Variants in ZNF732 observed in about 807,000 individuals in gnomAD.
The protein encoded by ZNF732 is zinc finger protein LOC654254.
A neutral mutation model predicts 11.5 loss-of-function variants in ZNF732; 12 were observed. The observed-to-expected ratio is 1.05, with a 90% CI of 0.67 to 1.70. ZNF732 has a LOEUF of 1.70. Among genes scored for constraint, ZNF732 ranks in the 40% most tolerant of loss-of-function variants. ZNF732 has a pLI of 0.00. For missense variants in ZNF732, 702 were observed against 676.9 expected (o/e 1.04, Z -0.41); for synonymous variants, 231 against 236.5 (o/e 0.98, Z 0.21).
chr4:303,252 A>G lies in ZNF732; in HGVS notation c.3+2056T>C, dbSNP rs1289738848. Among the ~76,000 whole-genome samples the G allele has an allele frequency of 2.6e-5, 4 of 152,144 alleles. 1 individual carries two copies. The highest frequency in any genetic ancestry group is 4.4e-5 in the Non-Finnish European group (3 of 68,022). On this transcript the variant is annotated intron_variant, in intron 1 of 3. Coordinates refer to ENST00000419098, the MANE Select transcript of ZNF732 (RefSeq NM_001137608.3). Reference sequence around the variant, plus strand: ...AGACCCCCCCTCCCCTTTCTAAACCAAAGTATAAAAGAAAATCTAGCCCCT... The same window carrying G: ...AGACCCCCCCTCCCCTTTCTAAACCGAAGTATAAAAGAAAATCTAGCCCCT...
At chr4:292,323 C>T (rs535375835) in intron 3 of ZNF732, among the ~76,000 whole-genome samples, 41 of 151,920 alleles carry the variant, frequency 2.7e-4, no homozygotes, top group Admixed American at 1.4e-3. Flanking sequence ...TTTGGGAGGC[C>T]GAGGCGGGCA....
Position 271,150 on chromosome 4 carries a change from C to T in ZNF732, c.1707G>A (p.Trp569Ter), listed in dbSNP as rs1466470692. The T allele has an allele frequency of 1.9e-6, 3 of 1,543,532 alleles. No homozygotes were observed. Among genetic ancestry groups the T allele is most frequent in the South Asian group, 2.4e-5 (2 of 83,156 alleles). Residue 569 changes from tryptophan to a stop codon, truncating the protein, a stop_gained, in exon 4 of 4, where the codon TGG (tryptophan) becomes TGA (stop). Coordinates refer to ENST00000419098, the MANE Select transcript of ZNF732 (RefSeq NM_001137608.3). LOFTEE classifies it low-confidence loss of function (END_TRUNC). The part of the protein sequence containing the change: ...KCKGCGKAFK[W>*]SSYLNQHNKI... ...TATTATGTTGATTAAGGTATGAGGA[C>T]CACTTAAAGGCTTTGCCACATCCTT...
intron 1 of ZNF732, among the ~76,000 whole-genome samples, chr4:297,607 TAAAAAAAAAA>T (rs57681246): frequency 9.9e-6 from 1 of 101,016 alleles, no homozygotes; most frequent in African/African-American, 3.7e-5. Flanking sequence ...TTAAGATTTG[TAAAAAAAAAA>T]AAAAAAAAAA....
chr4:303,931 G>C (rs1553843958), intron 1 of ZNF732, among the ~76,000 whole-genome samples: 1 of 152,184 alleles, frequency 6.6e-6, no homozygotes, highest in Non-Finnish European at 1.5e-5. Flanking sequence ...AGACTAGTTT[G>C]TGCTACAAGT....
rs1553837746 is a variant in ZNF732 at position 272,054 on chromosome 4, T to C, written c.803A>G (p.His268Arg). ...AFNRSSTLTKHKRIHAEEKPF... is the reference protein window; with the variant it reads ...AFNRSSTLTKRKRIHAEEKPF... ...TTTCTCTTCAGCATGAATTCTCTTA[T>C]GCTTAGTAAGGGTTGAGGACCTATT... is the stretch of plus-strand genomic sequence containing the variant. The change falls in exon 4 of 4, where the codon CAT becomes CGT. Residue 268 changes from histidine (H) to arginine (R), a missense_variant. This residue lies in a region of ZNF732 where 596 missense variants were observed against 557.9 expected (regional missense o/e 1.07). Transcript: ENST00000419098. The C allele has an allele frequency of 2.5e-6, 4 of 1,611,544 alleles. No individual in the cohort carries two copies. Among genetic ancestry groups the C allele is most frequent in the Non-Finnish European group, 8.5e-7 (1 of 1,178,680 alleles).
chr4:300,901 A>G (rs1426284994), intron 1 of ZNF732, among the ~76,000 whole-genome samples: 1 of 152,226 alleles, frequency 6.6e-6, no homozygotes, highest in Non-Finnish European at 1.5e-5. Context: ...GCTTCTGCAC[A>G]GCAAAAGAAA....
intron 1 of ZNF732, among the ~76,000 whole-genome samples, chr4:299,376 T>C (rs1376692629): frequency 1.6e-5 from 1 of 63,602 alleles, no homozygotes; most frequent in African/African-American, 4.5e-5. Flanking sequence ...TATGTGTATA[T>C]ATATATACAC....
chr4:304,537 C>T (rs1720185819), intron 1 of ZNF732, among the ~76,000 whole-genome samples: 1 of 151,042 alleles, frequency 6.6e-6, no homozygotes, highest in Non-Finnish European at 1.5e-5. Context: ...CAGCGAAGAC[C>T]CCACAAGCTC....
At chr4:301,209 C>T (rs1271362262) in intron 1 of ZNF732, among the ~76,000 whole-genome samples, 2 of 152,120 alleles carry the variant, frequency 1.3e-5, no homozygotes, top group African/African-American at 4.8e-5. Context: ...ATTAAAAAGT[C>T]AGGAAACGAC....
intron 3 of ZNF732, among the ~76,000 whole-genome samples, chr4:291,067 G>C (rs1242967380): frequency 6.6e-6 from 1 of 152,030 alleles, no homozygotes; most frequent in African/African-American, 2.4e-5. Context: ...AGAACAATTA[G>C]GCAAGGAAAA....
chr4:301,916 T>C (rs1425381846), intron 1 of ZNF732, among the ~76,000 whole-genome samples: 1 of 152,210 alleles, frequency 6.6e-6, no homozygotes. Context: ...TCAGGTTTAA[T>C]CAATGCACAT....
intron 1 of ZNF732, among the ~76,000 whole-genome samples, chr4:296,996 G>T (rs1256539942): frequency 1.3e-5 from 2 of 152,156 alleles, no homozygotes; most frequent in Non-Finnish European, 2.9e-5. Flanking sequence ...TGGTCCAGGG[G>T]TGGTGGCTCA....
intron 1 of ZNF732, among the ~76,000 whole-genome samples, chr4:299,454 CATATGTGTATAT>C (rs1560165256): frequency 2.2e-4 from 12 of 55,380 alleles, no homozygotes; most frequent in South Asian, 1.1e-3. Flanking sequence ...TATATATACA[CATATGTGTATAT>C]ATATATACAC....
In ZNF732 at chr4:273,445, AAAC is replaced by A. The variant is rs541363588; in HGVS notation, c.227-818_227-816del. Among the ~76,000 whole-genome samples, 85 of 152,134 alleles carry A rather than the reference AAAC, an allele frequency of 5.6e-4. 1 individual carries two copies. In the South Asian group the frequency reaches 0.016, roughly 29 times the overall value. ...ATTAAACAATTTAAAATTTTTCAGA[AAAC>A]AACCATAAAAACAAAGATGTACAAA... On this transcript the variant is annotated intron_variant, in intron 3 of 3. Transcript: ENST00000419098.
At chr4:294,796 A>G (rs1553841910) in intron 3 of ZNF732, among the ~76,000 whole-genome samples, 2 of 152,248 alleles carry the variant, frequency 1.3e-5, no homozygotes, top group African/African-American at 4.8e-5. Context: ...GCTTTAAACT[A>G]TATTATAATT....
At position 272,107 on chromosome 4, in the gene ZNF732, G is replaced by A. The variant is rs782433466; in HGVS notation, c.750C>T (p.Tyr250=). The part of the protein sequence containing the change: ...KHKVHTGEKS[Y]KYEECGKAFN... Reference sequence around the variant, plus strand: ...AGGCTTTGCCACATTCTTCATATTTGTAAGATTTCTCTCCAGTATGAACTT... The same window carrying A: ...AGGCTTTGCCACATTCTTCATATTTATAAGATTTCTCTCCAGTATGAACTT... Residue 250 remains tyrosine (Y), a synonymous_variant, in exon 4 of 4, where the codon TAC becomes TAT. Transcript: ENST00000419098. 1.2e-6 allele frequency: 2 copies of A among 1,612,226 alleles called. No individual in the cohort carries two copies. The highest frequency in any genetic ancestry group is 1.7e-6 in the Non-Finnish European group (2 of 1,179,088).
chr4:292,298 T>A (rs1719854510), intron 3 of ZNF732, among the ~76,000 whole-genome samples: 2 of 151,950 alleles, frequency 1.3e-5, no homozygotes, highest in South Asian at 4.1e-4. Flanking sequence ...TGCAAGCAAT[T>A]TATCTGATAA....
At chr4:279,207 G>A (rs1396979273) in intron 3 of ZNF732, among the ~76,000 whole-genome samples, 1 of 151,856 alleles carries the variant, frequency 6.6e-6, no homozygotes, top group Non-Finnish European at 1.5e-5. Flanking sequence ...GGGAGGCCGA[G>A]GCGGGCAGAT....
At chr4:277,563 A>T (rs965248253) in intron 3 of ZNF732, among the ~76,000 whole-genome samples, 1 of 152,030 alleles carries the variant, frequency 6.6e-6, no homozygotes, top group Non-Finnish European at 1.5e-5. Context: ...ACCACAATAT[A>T]AGACTTGACT....
Sources: gnomAD v4.1 joint callset for allele counts (sites outside exome capture counted in the v4.1 genomes callset) on GRCh38, gnomAD v4.1.1 for gene constraint, gnomAD v4.1.1 regional missense constraint, MANE v1.5 for transcripts, NCBI Gene and HGNC (gene_info 2026-07-23, HGNC 2026-07-21) for gene names.